ST8SIA5: variants seen among roughly 807,000 people sequenced by gnomAD.
The protein encoded by ST8SIA5 is alpha-2,8-sialyltransferase 8E.
Under a neutral mutation model 40.2 loss-of-function variants are expected in ST8SIA5, and 24 were observed. The ratio of observed to expected loss-of-function variants is 0.60; its 90% CI spans 0.43 to 0.84. The LOEUF (loss-of-function observed/expected upper bound fraction) is 0.84, where lower values mean the gene tolerates loss of function less well. Ranked by LOEUF, ST8SIA5 falls within the 40% of genes least tolerant of loss-of-function variation. The pLI is 0.00. For synonymous variants in ST8SIA5, 198 were observed against 201.8 expected (o/e 0.98, Z 0.16); for missense variants, 465 against 498.5 (o/e 0.93, Z 0.64).
chr18:46,732,121 C>T (rs921903761), intron 1 of ST8SIA5, among the ~76,000 whole-genome samples: 1 of 152,206 alleles, frequency 6.6e-6, no homozygotes, highest in African/African-American at 2.4e-5. Flanking sequence ...GCCAATGAAT[C>T]CAAACTTGAA....
chr18:46,734,586 T>C (rs2040016593), intron 1 of ST8SIA5, among the ~76,000 whole-genome samples: 1 of 151,896 alleles, frequency 6.6e-6, no homozygotes, highest in Non-Finnish European at 1.5e-5. Flanking sequence ...GGAGGGAAAA[T>C]GGTGGAGGTA....
In ST8SIA5 at chr18:46,679,014, TTC is replaced by T. The variant is rs1312554398; in HGVS notation, c.*1026_*1027del. ...GCTGGTGTCGGAGGCCACAACTCGTTTCTCTCTGCTAAGCTCACCACCTGACA... is the reference window on the plus strand; with the variant it reads ...GCTGGTGTCGGAGGCCACAACTCGTTTCTCTGCTAAGCTCACCACCTGACA... On this transcript the variant is annotated 3_prime_UTR_variant, in exon 7 of 7. Coordinates refer to ENST00000315087, the MANE Select transcript of ST8SIA5 (RefSeq NM_013305.6). 6.6e-6 allele frequency: 1 copy of T among 152,224 alleles called. No homozygotes were observed. The highest frequency in any genetic ancestry group is 6.5e-5 in the Admixed American group (1 of 15,278). The allele number at this position is 152,224 out of a possible 1,614,324, so 9.4% of individuals were successfully genotyped here. A position where few individuals can be genotyped will look rare whatever the true frequency, so the allele number is the denominator to read the frequency against.
chr18:46,728,759 A>G (rs556018466), intron 1 of ST8SIA5, among the ~76,000 whole-genome samples: 1 of 152,260 alleles, frequency 6.6e-6, no homozygotes, highest in African/African-American at 2.4e-5. Flanking sequence ...AGCCACTGTC[A>G]TTGCTCTGCT....
At chr18:46,703,986 T>C (rs1194963137) in intron 2 of ST8SIA5, among the ~76,000 whole-genome samples, 1 of 151,310 alleles carries the variant, frequency 6.6e-6, no homozygotes, top group Non-Finnish European at 1.5e-5. Context: ...ACCATTTATG[T>C]AAAAAAAAAC....
rs537547698 is a variant in ST8SIA5 at position 46,733,621 on chromosome 18, AG to A, written c.131+22756del. Among the ~76,000 whole-genome samples, 323 of 143,644 alleles carry A rather than the reference AG, an allele frequency of 2.2e-3. 2 individuals are homozygous for A. The highest frequency in any genetic ancestry group is 8.0e-3 in the African/African-American group (317 of 39,446). 94.2% of individuals were successfully genotyped at this position (143,644 alleles called of 152,430 possible). A position where few individuals can be genotyped will look rare whatever the true frequency, so the allele number is the denominator to read the frequency against. Reference sequence around the variant, plus strand: ...GAAATAAAGGGAGGAAAGGGGGATAAGGGGCTTGGGGTGGGGGAGGAATGTT... The same window carrying A: ...GAAATAAAGGGAGGAAAGGGGGATAAGGGCTTGGGGTGGGGGAGGAATGTT... On this transcript the variant is annotated intron_variant, in intron 1 of 6. Coordinates refer to ENST00000315087, the MANE Select transcript of ST8SIA5 (RefSeq NM_013305.6).
rs1411536038 is a variant in ST8SIA5, at chr18:46,670,216, T to C, written c.*9826A>G. The C allele has an allele frequency of 1.3e-5, 2 of 152,216 alleles. No individual in the cohort carries two copies. Among genetic ancestry groups the C allele is most frequent in the Non-Finnish European group, 2.9e-5 (2 of 68,038 alleles). 9.4% of individuals were successfully genotyped at this position (152,216 alleles called of 1,614,324 possible). ...TGAAAGTATTTTAACTGTTTGGGGA[T>C]GGAAATAATTCTAAAGTGGATAAAA... On this transcript the variant is annotated 3_prime_UTR_variant, in exon 7 of 7. Coordinates refer to ENST00000315087, the MANE Select transcript of ST8SIA5 (RefSeq NM_013305.6).
At chr18:46,730,292 C>G in intron 1 of ST8SIA5, 1 of 977,778 alleles carries the variant, frequency 1.0e-6, no homozygotes, top group African/African-American at 1.7e-5. Context: ...CAGCATTGAA[C>G]CTCTTGAAGT....
chr18:46,711,978 C>A (rs1198628356), intron 1 of ST8SIA5, among the ~76,000 whole-genome samples: 1 of 152,196 alleles, frequency 6.6e-6, no homozygotes, highest in Non-Finnish European at 1.5e-5. Flanking sequence ...GATTAATCTG[C>A]CCCAGGTGTG....
At chr18:46,717,602 C>T (rs1441588014) in intron 1 of ST8SIA5, among the ~76,000 whole-genome samples, 1 of 152,176 alleles carries the variant, frequency 6.6e-6, no homozygotes, top group Non-Finnish European at 1.5e-5. Flanking sequence ...CAGAAGCCCA[C>T]AAATGTCAGC....
chr18:46,736,158 C>A (rs1450144634), intron 1 of ST8SIA5, among the ~76,000 whole-genome samples: 1 of 152,072 alleles, frequency 6.6e-6, no homozygotes, highest in Non-Finnish European at 1.5e-5. Flanking sequence ...CGTCACATCC[C>A]TTTTTTGTAT....
At chr18:46,735,234 G>C (rs2040022448) in intron 1 of ST8SIA5, among the ~76,000 whole-genome samples, 1 of 152,192 alleles carries the variant, frequency 6.6e-6, no homozygotes, top group South Asian at 2.1e-4. Context: ...TGAGGTTTGG[G>C]GACTTGGACT....
At chr18:46,707,421 G>A (rs2039680441) in intron 1 of ST8SIA5, among the ~76,000 whole-genome samples, 1 of 152,130 alleles carries the variant, frequency 6.6e-6, no homozygotes, top group Non-Finnish European at 1.5e-5. Context: ...AACTAGGGTA[G>A]TACCTCCTCT....
intron 1 of ST8SIA5, among the ~76,000 whole-genome samples, chr18:46,740,988 A>G (rs2040081937): frequency 1.3e-5 from 2 of 152,200 alleles, no homozygotes; most frequent in Non-Finnish European, 2.9e-5. Flanking sequence ...ACATTAGAAA[A>G]TAGAAAGACT....
intron 1 of ST8SIA5, among the ~76,000 whole-genome samples, chr18:46,753,422 A>G (rs1195728251): frequency 6.6e-6 from 1 of 152,036 alleles, no homozygotes; most frequent in Non-Finnish European, 1.5e-5. Context: ...AATACAAAAA[A>G]TTAGCTGGGT....
rs867325123 is a variant in ST8SIA5 at position 46,692,205 on chromosome 18, T to C, written c.275A>G (p.Lys92Arg). 1 of 1,613,908 alleles carries C rather than the reference T, an allele frequency of 6.2e-7. No individual in the cohort carries two copies. The highest frequency in any genetic ancestry group is 8.5e-7 in the Non-Finnish European group (1 of 1,180,018). The change falls in exon 3 of 7, where the codon AAA becomes AGA. Residue 92 changes from lysine to arginine, a missense_variant. Lys to Arg is a conservative substitution (Grantham distance 26). Transcript: ENST00000315087. ...GGCCTCAGAGATGTTCATCGCCCAT[T>C]TGCACATCTGGAGGCTCTTCCACCT... is the stretch of plus-strand genomic sequence containing the variant. ...FDRWKSLQMC[K>R]WAMNISEANQ...
intron 1 of ST8SIA5, among the ~76,000 whole-genome samples, chr18:46,751,857 T>C (rs974264714): frequency 1.3e-5 from 2 of 152,148 alleles, no homozygotes; most frequent in Non-Finnish European, 2.9e-5. Context: ...TCATAAAAGT[T>C]TGAAAAACAC....
chr18:46,708,972 A>G (rs570269820), intron 1 of ST8SIA5, among the ~76,000 whole-genome samples: 2 of 152,308 alleles, frequency 1.3e-5, no homozygotes, highest in South Asian at 4.1e-4. Context: ...TCCATGCCTG[A>G]GTCTAAAGCC....
At chr18:46,749,446 A>G (rs2040174496) in intron 1 of ST8SIA5, among the ~76,000 whole-genome samples, 1 of 152,228 alleles carries the variant, frequency 6.6e-6, no homozygotes, top group East Asian at 1.9e-4. Flanking sequence ...TTTATTGAAT[A>G]TTATGTCAAA....
intron 1 of ST8SIA5, among the ~76,000 whole-genome samples, chr18:46,733,263 A>C (rs780049181): frequency 1.3e-5 from 2 of 152,228 alleles, no homozygotes; most frequent in African/African-American, 2.4e-5. Flanking sequence ...TTTCACACCA[A>C]GCCAAGCTTG....
Sources: gnomAD v4.1 joint callset for allele counts (sites outside exome capture counted in the v4.1 genomes callset) on GRCh38, gnomAD v4.1.1 for gene constraint, MANE v1.5 for transcripts, NCBI Gene and HGNC (gene_info 2026-07-23, HGNC 2026-07-21) for gene names.